The following SPTBN4 variants were observed in gnomAD, a reference collection of about 807,000 sequenced individuals.
SPTBN4 encodes spectrin beta chain, non-erythrocytic 4.
In SPTBN4, 96 loss-of-function variants were observed where a neutral mutation model predicts 277.8. The ratio of observed to expected loss-of-function variants is 0.35; its 90% confidence interval spans 0.29 to 0.41. The LOEUF is 0.41. Among genes scored for constraint, SPTBN4 ranks in the 10% least tolerant of loss-of-function variants. SPTBN4 has a pLI of 1.00. For synonymous variants in SPTBN4, 1,481 were observed against 1,580.3 expected, an observed-to-expected ratio of 0.94 and a Z score of 1.49; for missense variants, 3,006 against 3,595.7, an observed-to-expected ratio of 0.84 and a Z score of 4.19.
intron 22 of SPTBN4, among the ~76,000 whole-genome samples, chr19:40,552,307 T>C (rs1468133225): frequency 6.6e-6 from 1 of 151,450 alleles, no homozygotes; most frequent in Non-Finnish European, 1.5e-5. Flanking sequence ...CACAAAAAAT[T>C]AGCCGGGCGA....
intron 18 of SPTBN4, 80 bp downstream of exon 18, chr19:40,529,211 G>T: frequency 7.6e-7 from 1 of 1,323,128 alleles, no homozygotes. Flanking sequence ...GGTGGGGGTG[G>T]GGACGCCCCG....
Position 40,472,674 on chromosome 19 carries a change from A to T in SPTBN4, c.53A>T (p.Asn18Ile), listed in dbSNP as rs764202262. ...AACATGGAGGGCCTGCCTGCTCCTA[A>T]CAACAACCCTGCTGCCCGCTGGGAG... is the stretch of plus-strand genomic sequence containing the variant. ...VDNMEGLPAP[N>I]NNPAARWESP... Residue 18 changes from asparagine (N) to isoleucine (I), a missense_variant, in exon 2 of 36, where the codon AAC becomes ATC. Asn to Ile is a moderately radical substitution (Grantham distance 149). Coordinates refer to ENST00000598249, the MANE Select transcript of SPTBN4 (RefSeq NM_020971.3). 3.1e-6 allele frequency: 5 copies of T among 1,613,778 alleles called. No homozygotes were observed. In the East Asian group the frequency reaches 1.1e-4, roughly 36 times the overall value.
rs561775622 is a variant in SPTBN4 at position 40,494,514 on chromosome 19, C to A, written c.588-383C>A. Among the ~76,000 whole-genome samples the A allele has an allele frequency of 3.3e-5, 5 of 151,636 alleles. No homozygotes were observed. In the East Asian group the frequency reaches 9.7e-4, roughly 29 times the overall value. On this transcript the variant is annotated intron_variant, in intron 5 of 35. Coordinates refer to ENST00000598249, the MANE Select transcript of SPTBN4 (RefSeq NM_020971.3). ...ATCTATCTTCTATCAATCTATATAT[C>A]TATCATCTATCAACCTATATCTATT...
At position 40,502,817 on chromosome 19, in the gene SPTBN4, G is replaced by T; in HGVS notation, c.1246G>T (p.Ala416Ser). Residue 416 changes from alanine (A) to serine (S), a missense_variant, in exon 11 of 36, where the codon GCC becomes TCC. This residue lies in a region of SPTBN4 where 1,759 missense variants were observed against 2,061.5 expected (regional missense o/e 0.85). Coordinates refer to ENST00000598249, the MANE Select transcript of SPTBN4 (RefSeq NM_020971.3). The surrounding 1 kb of genome is among the most constrained non-coding windows in gnomAD (Gnocchi z 4.9). ...LEKAEHEREA[A>S]LRAELIRQEK... The stretch of plus-strand genomic sequence containing the variant: ...GAAGGCTGAGCATGAGCGGGAGGCT[G>T]CCCTACGGGCTGAGCTGATTCGGCA... 1 of 1,613,950 alleles carries T rather than the reference G, an allele frequency of 6.2e-7. No individual in the cohort carries two copies. Among genetic ancestry groups the T allele is most frequent in the Non-Finnish European group, 8.5e-7 (1 of 1,180,026 alleles).
chr19:40,566,982 AACAAC>A, intron 30 of SPTBN4: 5 of 300,800 alleles, frequency 1.7e-5, no homozygotes, highest in East Asian at 9.5e-5. Flanking sequence ...ATAAAAAAAA[AACAAC>A]AAAAAAAAAC....
chr19:40,498,417 A>ATTTTTTTT (rs1250378962), intron 7 of SPTBN4, among the ~76,000 whole-genome samples: 6 of 145,876 alleles, frequency 4.1e-5, no homozygotes, highest in African/African-American at 1.5e-4. Context: ...TTATTTATTT[A>ATTTTTTTT]TTTTTTTAGA....
chr19:40,554,716 C>T lies in SPTBN4; in HGVS notation c.5084+70C>T, dbSNP rs1296507222. On this transcript the variant is annotated intron_variant, in intron 24 of 35. Transcript: ENST00000598249. The surrounding 1 kb of genome is among the most constrained non-coding windows in gnomAD (Gnocchi z 5.7). ...CTGAAGCTTCGCTGTTGGGAGTTGG[C>T]GCAGCGCTGGAATTGGACGTTGGGT... 3.2e-6 allele frequency: 5 copies of T among 1,555,164 alleles called. No individual in the cohort carries two copies. Among genetic ancestry groups the T allele is most frequent in the South Asian group, 2.4e-5 (2 of 83,688 alleles).
intron 30 of SPTBN4, among the ~76,000 whole-genome samples, chr19:40,567,333 A>C (rs540517347): frequency 4.8e-4 from 72 of 151,396 alleles, no homozygotes; most frequent in Middle Eastern, 3.4e-3. Context: ...AAATAAATAA[A>C]TAAATAAATA....
chr19:40,566,791 C>T (rs1259930939), intron 30 of SPTBN4, among the ~76,000 whole-genome samples: 1 of 151,652 alleles, frequency 6.6e-6, no homozygotes, highest in Non-Finnish European at 1.5e-5. Flanking sequence ...GTGGTGAAAC[C>T]CCATCTCTAC....
intron 33 of SPTBN4, chr19:40,571,232 G>GT (rs2081153976): frequency 6.4e-6 from 1 of 155,698 alleles, no homozygotes; most frequent in South Asian, 1.5e-4. Flanking sequence ...AATGAGTGGG[G>GT]TGGGTCTACC....
Position 40,502,734 on chromosome 19 carries a change from G to T in SPTBN4, c.1204-41G>T. 1 of 1,604,722 alleles carries T rather than the reference G, an allele frequency of 6.2e-7. No individual in the cohort carries two copies. The highest frequency in any genetic ancestry group is 2.2e-5 in the East Asian group (1 of 44,814). Reference sequence around the variant, plus strand: ...CTAAGTCAAGACCATTAAACTGTGGGGAGCTGTCAGAGTCTGAGTGCCTCC... The same window carrying T: ...CTAAGTCAAGACCATTAAACTGTGGTGAGCTGTCAGAGTCTGAGTGCCTCC... On this transcript the variant is annotated intron_variant, in intron 10 of 35. Coordinates refer to ENST00000598249, the MANE Select transcript of SPTBN4 (RefSeq NM_020971.3). The surrounding 1 kb of genome is among the most constrained non-coding windows in gnomAD (Gnocchi z 4.9).
At chr19:40,514,568 C>A (rs933480478) in intron 14 of SPTBN4, among the ~76,000 whole-genome samples, 1 of 152,110 alleles carries the variant, frequency 6.6e-6, no homozygotes, top group Non-Finnish European at 1.5e-5. Context: ...AACATGGGGG[C>A]CCAGAGGAAG....
intron 18 of SPTBN4, 147 bp downstream of exon 18, chr19:40,529,278 G>A (rs1017515985): frequency 1.6e-5 from 11 of 708,282 alleles, no homozygotes; most frequent in South Asian, 1.0e-4. Flanking sequence ...GCGCGGAGCC[G>A]GGTCTCAGTG....
At chr19:40,574,456 G>A (rs1175453745) in intron 35 of SPTBN4, among the ~76,000 whole-genome samples, 1 of 151,692 alleles carries the variant, frequency 6.6e-6, no homozygotes, top group East Asian at 2.0e-4. Context: ...CCACTTCCCG[G>A]GTTCAAGCGA....
Position 40,560,790 on chromosome 19 carries a change from G to A in SPTBN4, c.5915+387G>A. On this transcript the variant is annotated intron_variant, in intron 27 of 35. Coordinates refer to ENST00000598249, the MANE Select transcript of SPTBN4 (RefSeq NM_020971.3). The surrounding 1 kb of genome is among the most constrained non-coding windows in gnomAD (Gnocchi z 5.2). ...CTTCATTAGTGGGCATGGGCTTATT[G>A]CTCACATAGTGGTTGGATGTGAGTG... is the stretch of plus-strand genomic sequence containing the variant. The A allele has an allele frequency of 8.5e-7, 1 of 1,170,970 alleles. No homozygotes were observed. Among genetic ancestry groups the A allele is most frequent in the Non-Finnish European group, 1.1e-6 (1 of 931,290 alleles). 72.5% of individuals were successfully genotyped at this position (1,170,970 alleles called of 1,614,324 possible).
rs559302589 is a variant in SPTBN4, at chr19:40,573,917, C to G, written c.7537-1494C>G. 2.0e-5 allele frequency among the ~76,000 whole-genome samples: 3 copies of G among 151,894 alleles called. No individual in the cohort carries two copies. The South Asian group carries it at 6.2e-4, about 32-fold the overall frequency. On this transcript the variant is annotated intron_variant, in intron 35 of 35. Transcript: ENST00000598249. ...GAGATCGAGACCATCCTGGCTGACA[C>G]GGTGAAACCCCGTCTCTACTAAAAA...
chr19:40,504,356 A>T (rs2080299737), intron 12 of SPTBN4, among the ~76,000 whole-genome samples: 1 of 152,080 alleles, frequency 6.6e-6, no homozygotes. Context: ...TGAGAAAGAG[A>T]CAGAGACAAA....
intron 6 of SPTBN4, 85 bp downstream of exon 6, chr19:40,495,062 G>C: frequency 1.6e-6 from 2 of 1,280,090 alleles, no homozygotes; most frequent in Non-Finnish European, 2.3e-6. Flanking sequence ...TACTTGTGTA[G>C]ATGGCACACA....
intron 6 of SPTBN4, among the ~76,000 whole-genome samples, chr19:40,495,660 C>T (rs1307391155): frequency 6.6e-6 from 1 of 151,586 alleles, no homozygotes; most frequent in African/African-American, 2.4e-5. Context: ...ACCCCCCCAC[C>T]ACCACCAAAA....
Sources: gnomAD v4.1 joint callset for allele counts (sites outside exome capture counted in the v4.1 genomes callset) on GRCh38, gnomAD v4.1.1 for gene constraint, gnomAD v4.1.1 regional missense constraint, Gnocchi (gnomAD v3.1) non-coding constraint, MANE v1.5 for transcripts, NCBI Gene and HGNC (gene_info 2026-07-23, HGNC 2026-07-21) for gene names.